Variants in MINDY2 observed in about 807,000 individuals in gnomAD.
MINDY2 encodes the protein ubiquitin carboxyl-terminal hydrolase MINDY-2.
MINDY2 carries 52 observed loss-of-function variants against 68.2 expected under a neutral mutation model. The observed-to-expected ratio is 0.76, with a 90% CI of 0.61 to 0.96. The LOEUF (loss-of-function observed/expected upper bound fraction) is 0.96, where lower values mean the gene tolerates loss of function less well. Among genes scored for constraint, MINDY2 ranks in the 40% least tolerant of loss-of-function variants. The pLI is 0.00. For missense variants in MINDY2, 881 were observed against 773.4 expected (o/e 1.14, Z -1.65); for synonymous variants, 372 against 303.0 (o/e 1.23, Z -2.36).
chr15:58,829,347 C>T (rs931141086), intron 5 of MINDY2, among the ~76,000 whole-genome samples: 4 of 152,170 alleles, frequency 2.6e-5, no homozygotes, highest in Non-Finnish European at 5.9e-5. Flanking sequence ...TTATAATACT[C>T]ATCTGCAATA....
chr15:58,849,081 G>A (rs1006614615), intron 7 of MINDY2, among the ~76,000 whole-genome samples: 93 of 152,062 alleles, frequency 6.1e-4, no homozygotes, highest in African/African-American at 2.0e-3. Context: ...GTGGTGGTGC[G>A]CACCTGTAAC....
chr15:58,818,034 A>G (rs1180525399), intron 4 of MINDY2, among the ~76,000 whole-genome samples: 1 of 152,248 alleles, frequency 6.6e-6, no homozygotes, highest in Non-Finnish European at 1.5e-5. Context: ...ATTATGGTAT[A>G]TTCTATGGAA....
At chr15:58,822,699 A>G (rs1462938269) in intron 5 of MINDY2, among the ~76,000 whole-genome samples, 1 of 152,206 alleles carries the variant, frequency 6.6e-6, no homozygotes, top group Non-Finnish European at 1.5e-5. Flanking sequence ...CCAGTCAATG[A>G]TGAGAAAAGG....
intron 4 of MINDY2, among the ~76,000 whole-genome samples, chr15:58,814,466 A>C (rs1305526958): frequency 6.6e-6 from 1 of 151,862 alleles, no homozygotes; most frequent in East Asian, 1.9e-4. Context: ...AGCTCACTGC[A>C]ACCTCAAACT....
At chr15:58,807,496 A>G (rs192344697) in intron 3 of MINDY2, among the ~76,000 whole-genome samples, 1 of 151,738 alleles carries the variant, frequency 6.6e-6, no homozygotes, top group African/African-American at 2.4e-5. Context: ...GCTGAGAGAG[A>G]CTACAGGCGC....
In MINDY2 at chr15:58,860,168, T is replaced by C. The variant is rs189316255; in HGVS notation, c.*5558T>C. The C allele has an allele frequency of 6.6e-6, 1 of 152,344 alleles. No homozygotes were observed. The highest frequency in any genetic ancestry group is 1.9e-4 in the East Asian group (1 of 5,194). 9.4% of individuals were successfully genotyped at this position (152,344 alleles called of 1,614,324 possible). On this transcript the variant is annotated 3_prime_UTR_variant, in exon 9 of 9. Coordinates refer to ENST00000559228, the MANE Select transcript of MINDY2 (RefSeq NM_001040450.3). ...TTTAATCTGCACTGTAATATCCTGCTTTGAGAAGAAAGAATGCCTCATAAA... is the reference window on the plus strand; with the variant it reads ...TTTAATCTGCACTGTAATATCCTGCCTTGAGAAGAAAGAATGCCTCATAAA...
At chr15:58,824,804 G>C (rs190883390) in intron 5 of MINDY2, among the ~76,000 whole-genome samples, 3 of 150,852 alleles carry the variant, frequency 2.0e-5, no homozygotes, top group Non-Finnish European at 4.4e-5. Context: ...TGAGTAGCTG[G>C]GACTACAGGC....
chr15:58,828,575 C>CTTT (rs1163905877), intron 5 of MINDY2, among the ~76,000 whole-genome samples: 157 of 106,104 alleles, frequency 1.5e-3, no homozygotes, highest in East Asian at 3.2e-3. Flanking sequence ...TATTGAATTT[C>CTTT]TTTTTTTTTT....
chr15:58,779,012 T>C (rs1403201223), intron 1 of MINDY2, among the ~76,000 whole-genome samples: 1 of 151,750 alleles, frequency 6.6e-6, no homozygotes, highest in Non-Finnish European at 1.5e-5. Flanking sequence ...CCTGCCCGCC[T>C]CAGCCTTCCA....
At chr15:58,784,018 T>C (rs1901323973) in intron 1 of MINDY2, among the ~76,000 whole-genome samples, 1 of 152,144 alleles carries the variant, frequency 6.6e-6, no homozygotes, top group African/African-American at 2.4e-5. Flanking sequence ...TTAAATATTC[T>C]TGTGCTTATA....
At chr15:58,799,176 C>T (rs1902472932) in intron 2 of MINDY2, among the ~76,000 whole-genome samples, 1 of 152,154 alleles carries the variant, frequency 6.6e-6, no homozygotes, top group Admixed American at 6.5e-5. Flanking sequence ...TATTCAGGGC[C>T]AGTCGTGCCA....
intron 2 of MINDY2, 105 bp from the exon 3 acceptor site, chr15:58,802,208 T>G: frequency 1.4e-6 from 1 of 740,218 alleles, no homozygotes. Context: ...ATATGTCAAC[T>G]ATAGCTACAG....
At position 58,825,627 on chromosome 15, in the gene MINDY2, C is replaced by G. The variant is rs1010506140; in HGVS notation, c.1225+3808C>G. Among the ~76,000 whole-genome samples the G allele has an allele frequency of 1.1e-4, 16 of 152,130 alleles. 2 individuals carry two copies. The South Asian group carries it at 3.3e-3, about 32-fold the overall frequency. Reference sequence around the variant, plus strand: ...TTGTTTGTTTGTTTTGAGACAGAGTCTTGCTCAGCTGCCCAGGCTGGAGGC... The same window carrying G: ...TTGTTTGTTTGTTTTGAGACAGAGTGTTGCTCAGCTGCCCAGGCTGGAGGC... On this transcript the variant is annotated intron_variant, in intron 5 of 8. Transcript: ENST00000559228.
At chr15:58,780,389 C>T (rs1567037718) in intron 1 of MINDY2, among the ~76,000 whole-genome samples, 1 of 150,332 alleles carries the variant, frequency 6.7e-6, no homozygotes, top group Admixed American at 6.7e-5. Flanking sequence ...GCAACAAGAG[C>T]GAAACTCCAT....
chr15:58,852,293 A>AAAAAAAAAAAG (rs1341789434), intron 8 of MINDY2, among the ~76,000 whole-genome samples: 2 of 149,868 alleles, frequency 1.3e-5, no homozygotes, highest in Admixed American at 1.3e-4. Context: ...TTCTCAAAAA[A>AAAAAAAAAAAG]AAAAAAAAAA....
At chr15:58,806,076 A>G (rs1283915015) in intron 3 of MINDY2, among the ~76,000 whole-genome samples, 2 of 152,248 alleles carry the variant, frequency 1.3e-5, no homozygotes, top group Non-Finnish European at 2.9e-5. Flanking sequence ...TCCGTCTCAA[A>G]AAAACAACAA....
intron 2 of MINDY2, among the ~76,000 whole-genome samples, chr15:58,796,953 C>T (rs1902325186): frequency 6.6e-6 from 1 of 152,188 alleles, no homozygotes; most frequent in Non-Finnish European, 1.5e-5. Context: ...TTGTGTAAGG[C>T]AGATTGAGTC....
chr15:58,821,893 C>A (rs1196527433), intron 5 of MINDY2, 74 bp downstream of exon 5: 5 of 969,590 alleles, frequency 5.2e-6, no homozygotes, highest in South Asian at 1.6e-5. Flanking sequence ...TAATATCTTT[C>A]AAATTTCTTA....
chr15:58,807,831 G>A (rs2029917829), intron 3 of MINDY2, among the ~76,000 whole-genome samples: 1 of 151,974 alleles, frequency 6.6e-6, no homozygotes, highest in Non-Finnish European at 1.5e-5. Flanking sequence ...GCCGCACTGG[G>A]CCCCATGCTA....
Sources: allele counts gnomAD v4.1 joint callset (sites outside exome capture counted in the v4.1 genomes callset), GRCh38; gene constraint gnomAD v4.1.1; transcripts MANE v1.5; gene names NCBI Gene and HGNC (gene_info 2026-07-23, HGNC 2026-07-21).